The following LRTM3 variants were observed in gnomAD, a reference collection of about 807,000 sequenced individuals.
LRTM3 encodes the protein leucine-rich repeat transmembrane protein 3.
chr13:102,738,720 T>C, the LRTM3 span: 2 of 1,550,724 alleles, frequency 1.3e-6, no homozygotes, highest in South Asian at 2.4e-5. Flanking sequence ...TTTATTCTCA[T>C]GGCTTCCTCT....
At chr13:102,731,026 T>C in the LRTM3 span, 1 of 1,551,514 alleles carries the variant, frequency 6.4e-7, no homozygotes, top group Non-Finnish European at 8.7e-7. Context: ...GTATCTCCAA[T>C]GTTTTCACAG....
chr13:102,734,933 T>A, the LRTM3 span: 2 of 1,551,212 alleles, frequency 1.3e-6, no homozygotes, highest in South Asian at 2.4e-5. Flanking sequence ...GATTAAAATA[T>A]CACCAGCAAT....
At chr13:102,739,441 GC>G in the LRTM3 span, 80 of 1,550,378 alleles carry the variant, frequency 5.2e-5, no homozygotes, top group Non-Finnish European at 6.2e-5. Flanking sequence ...GTGGAAGGCA[GC>G]CCTTTAGAGT....
the LRTM3 span, chr13:102,741,300 C>A: frequency 6.5e-7 from 1 of 1,550,102 alleles, no homozygotes; most frequent in Non-Finnish European, 8.7e-7. Flanking sequence ...GCTGTATTCA[C>A]TGCCTGTTTT....
the LRTM3 span, chr13:102,738,436 G>C: frequency 6.4e-7 from 1 of 1,550,728 alleles, no homozygotes; most frequent in Non-Finnish European, 8.7e-7. Context: ...TGGAAGCGCA[G>C]GCATTTGTCA....
chr13:102,749,934 T>A, the LRTM3 span: 2 of 1,551,236 alleles, frequency 1.3e-6, no homozygotes, highest in Non-Finnish European at 1.7e-6. Flanking sequence ...GGAATTTGAT[T>A]CCTCACATTT....
At chr13:102,738,743 C>G in the LRTM3 span, 1 of 1,550,452 alleles carries the variant, frequency 6.4e-7, no homozygotes, top group Non-Finnish European at 8.7e-7. Flanking sequence ...TTCTATTGTG[C>G]CCACTTTAGA....
At chr13:102,730,060 C>T in the LRTM3 span, 1 of 1,551,264 alleles carries the variant, frequency 6.4e-7, no homozygotes, top group African/African-American at 1.4e-5. Context: ...AACTATGACA[C>T]AACCAGTCAG....
chr13:102,732,369 T>G, the LRTM3 span: 1 of 1,551,358 alleles, frequency 6.4e-7, no homozygotes, highest in Non-Finnish European at 8.7e-7. Flanking sequence ...CCCGTGATAT[T>G]AAGCATCTGT....
At chr13:102,734,909 C>G in the LRTM3 span, 1 of 1,551,116 alleles carries the variant, frequency 6.4e-7, no homozygotes, top group Non-Finnish European at 8.7e-7. Flanking sequence ...CACATGTTTT[C>G]CTTTTTGTAG....
the LRTM3 span, chr13:102,732,934 T>C: frequency 2.6e-6 from 4 of 1,551,508 alleles, no homozygotes; most frequent in Non-Finnish European, 3.5e-6. Context: ...AGGGAGGGAA[T>C]AGGGACTTCG....
the LRTM3 span, chr13:102,733,763 G>A: frequency 1.3e-6 from 2 of 1,551,332 alleles, no homozygotes; most frequent in South Asian, 1.2e-5. Flanking sequence ...ATCTTCTTCT[G>A]ACCTGACTCG....
chr13:102,744,807 C>T, the LRTM3 span: 10 of 1,550,510 alleles, frequency 6.4e-6, no homozygotes, highest in South Asian at 1.1e-4. Flanking sequence ...GTCAAATTGG[C>T]CTTCTGTGCC....
the LRTM3 span, chr13:102,733,780 TTGGTTCCTTTGC>T: frequency 9.0e-6 from 14 of 1,551,268 alleles, no homozygotes; most frequent in Non-Finnish European, 1.2e-5. Flanking sequence ...CTCGTGAAGG[TTGGTTCCTTTGC>T]TGGACGCTGA....
At chr13:102,730,427 G>C in the LRTM3 span, 3 of 1,550,902 alleles carry the variant, frequency 1.9e-6, no homozygotes, top group Non-Finnish European at 2.6e-6. Flanking sequence ...ACATGAAACA[G>C]CTGAACCAGT....
the LRTM3 span, chr13:102,730,127 G>A: frequency 1.3e-6 from 2 of 1,549,838 alleles, no homozygotes; most frequent in East Asian, 2.4e-5. Flanking sequence ...CTTACAGGAA[G>A]GTGGTGTAAT....
At chr13:102,734,134 GATATGTGAC>G in the LRTM3 span, 4 of 1,551,286 alleles carry the variant, frequency 2.6e-6, no homozygotes, top group African/African-American at 5.5e-5. Context: ...TTGCATTAAG[GATATGTGAC>G]ATTGGTGAAA....
chr13:102,758,304 G>A, the LRTM3 span: 1 of 690,344 alleles, frequency 1.4e-6, no homozygotes. Context: ...ATATTGAACA[G>A]CTAGGAAAAC....
At chr13:102,743,037 T>C in the LRTM3 span, 2 of 1,549,038 alleles carry the variant, frequency 1.3e-6, no homozygotes, top group Non-Finnish European at 1.7e-6. Context: ...GAGAAAAAAG[T>C]TTCTCCCAAA....
Sources: gnomAD v4.1 joint callset for allele counts on GRCh38, gnomAD v4.1.1 for gene constraint, MANE v1.5 for transcripts, NCBI Gene and HGNC (gene_info 2026-07-23, HGNC 2026-07-21) for gene names.